The following PRKX variants were observed in gnomAD, a reference collection of about 807,000 sequenced individuals.
PRKX encodes the protein protein kinase cAMP-dependent X-linked catalytic subunit.
A neutral mutation model predicts 22.0 loss-of-function variants in PRKX; 12 were observed. The ratio of observed to expected loss-of-function variants is 0.54; its 90% confidence interval spans 0.35 to 0.88. PRKX has a LOEUF of 0.88. Ranked by LOEUF, PRKX falls within the 40% of genes least tolerant of loss-of-function variation. The pLI is 0.01. For synonymous variants in PRKX, 134 were observed against 137.7 expected (o/e 0.97, Z 0.19); for missense variants, 217 against 308.0 (o/e 0.70, Z 2.21).
chrX:3,613,877 A>T (rs1013205785), intron 7 of PRKX, among the ~76,000 whole-genome samples: 8 of 95,373 alleles, frequency 8.4e-5, no homozygotes, highest in Admixed American at 1.1e-4. Flanking sequence ...AAAAAAAAAA[A>T]AAAGAAGCGT....
intron 1 of PRKX, among the ~76,000 whole-genome samples, chrX:3,704,278 C>T (rs1245432723): frequency 2.7e-5 from 3 of 112,292 alleles, no homozygotes; most frequent in Non-Finnish European, 3.8e-5. Context: ...CATCCACATG[C>T]CCAGGTTTCT....
rs368718760 is a variant in PRKX at position 3,630,357 on chromosome X, G to A, written c.720-3843C>T. 2.2e-3 allele frequency among the ~76,000 whole-genome samples: 246 copies of A among 111,289 alleles called. 2 individuals are homozygous for A. The highest frequency in any genetic ancestry group is 7.5e-3 in the African/African-American group (231 of 30,735). ...GGCGGATCACGAGGTCAAGGAGATC[G>A]AGACCATCCTGGCTAACACAGTGAA... is the stretch of plus-strand genomic sequence containing the variant. On this transcript the variant is annotated intron_variant, in intron 4 of 8. Coordinates refer to ENST00000262848, the MANE Select transcript of PRKX (RefSeq NM_005044.5).
intron 1 of PRKX, among the ~76,000 whole-genome samples, chrX:3,676,199 C>A (rs1237137846): frequency 8.0e-5 from 9 of 111,879 alleles, no homozygotes; most frequent in Admixed American, 2.9e-4. Flanking sequence ...AAACTGCCCT[C>A]CCGTATTATG....
At chrX:3,711,983 C>T (rs1319007957) in intron 1 of PRKX, among the ~76,000 whole-genome samples, 6 of 111,812 alleles carry the variant, frequency 5.4e-5, no homozygotes, top group African/African-American at 9.7e-5. Flanking sequence ...CCTCGTGGGC[C>T]CTTCCTCAAG....
intron 1 of PRKX, among the ~76,000 whole-genome samples, chrX:3,684,921 A>C (rs1486412175): frequency 8.9e-6 from 1 of 111,984 alleles, no homozygotes; most frequent in Non-Finnish European, 1.9e-5. Flanking sequence ...GGTTCAAGCG[A>C]TCCTCCGGCC....
intron 1 of PRKX, among the ~76,000 whole-genome samples, chrX:3,712,506 G>A (rs1203794410): frequency 1.8e-5 from 2 of 112,286 alleles, no homozygotes; most frequent in Admixed American, 9.4e-5. Flanking sequence ...GGCACAAGAC[G>A]AAGAGCACAG....
At chrX:3,611,014 C>T in intron 8 of PRKX, 1 of 111,915 alleles carries the variant, frequency 8.9e-6, no homozygotes, top group East Asian at 2.8e-4. Flanking sequence ...AAGTTACACG[C>T]TCTCATGTTA....
At chrX:3,630,477 G>A (rs1309465402) in intron 4 of PRKX, among the ~76,000 whole-genome samples, 3 of 111,609 alleles carry the variant, frequency 2.7e-5, no homozygotes, top group Middle Eastern at 4.6e-3. Context: ...GCGGAATGGC[G>A]TGAACCCGGG....
rs144090256 is a variant in PRKX, at chrX:3,616,616, A to G, written c.874-724T>C. Among the ~76,000 whole-genome samples, 864 of 112,284 alleles carry G rather than the reference A, an allele frequency of 7.7e-3. 8 individuals carry two copies. Among genetic ancestry groups the G allele is most frequent in the African/African-American group, 0.027 (830 of 30,970 alleles). On this transcript the variant is annotated intron_variant, in intron 6 of 8. Transcript: ENST00000262848. ...GGTTCCATGAAACAGAAGCCAGTACATCTGAATTTAACGCGTCTATCAGTT... is the reference window on the plus strand; with the variant it reads ...GGTTCCATGAAACAGAAGCCAGTACGTCTGAATTTAACGCGTCTATCAGTT...
intron 4 of PRKX, among the ~76,000 whole-genome samples, chrX:3,640,788 C>T (rs376016601): frequency 1.4e-3 from 158 of 111,814 alleles, no homozygotes; most frequent in African/African-American, 5.0e-3. Flanking sequence ...TCACAAAGAC[C>T]CTGCTGATAA....
chrX:3,683,879 A>T (rs1448119750), intron 1 of PRKX, among the ~76,000 whole-genome samples: 1 of 110,488 alleles, frequency 9.1e-6, no homozygotes, highest in African/African-American at 3.3e-5. Flanking sequence ...TAGGAAACTA[A>T]TGGCTGATAT....
intron 3 of PRKX, among the ~76,000 whole-genome samples, chrX:3,651,698 C>T (rs1182975101): frequency 9.0e-6 from 1 of 111,375 alleles, no homozygotes; most frequent in South Asian, 3.7e-4. Context: ...AAAATGCAGA[C>T]GGTTTTACAA....
intron 1 of PRKX, among the ~76,000 whole-genome samples, chrX:3,691,841 G>T (rs1335357644): frequency 5.4e-5 from 5 of 93,107 alleles, no homozygotes; most frequent in Non-Finnish European, 1.1e-4. Flanking sequence ...TAGATGGATA[G>T]ATAGAAAGAT....
At chrX:3,697,046 GACAA>G (rs72413513) in intron 1 of PRKX, among the ~76,000 whole-genome samples, 44,112 of 106,433 alleles carry the variant, frequency 0.41, 7,650 homozygotes, top group African/African-American at 0.59. Context: ...CAAACAAACA[GACAA>G]ACAAACAAAA....
At position 3,654,638 on chromosome X, in the gene PRKX, C is replaced by T. The variant is rs1436778337; in HGVS notation, c.599+511G>A. On this transcript the variant is annotated intron_variant, in intron 3 of 8. Coordinates refer to ENST00000262848, the MANE Select transcript of PRKX (RefSeq NM_005044.5). Reference sequence around the variant, plus strand: ...TACAGGGATCCACCACCATAATCAACTTTTTTTTAAATATATATATTTCTG... The same window carrying T: ...TACAGGGATCCACCACCATAATCAATTTTTTTTTAAATATATATATTTCTG... Among the ~76,000 whole-genome samples the T allele has an allele frequency of 9.4e-5, 10 of 106,599 alleles. No homozygotes were observed. In the East Asian group the frequency reaches 2.9e-3, roughly 31 times the overall value. The allele number at this position is 106,599 out of a possible 115,157, so 92.6% of individuals were successfully genotyped here. A position where few individuals can be genotyped will look rare whatever the true frequency, so the allele number is the denominator to read the frequency against.
intron 2 of PRKX, among the ~76,000 whole-genome samples, chrX:3,660,774 A>G (rs1287957394): frequency 3.6e-5 from 4 of 111,492 alleles, no homozygotes; most frequent in Admixed American, 1.9e-4. Flanking sequence ...CAATACAAAC[A>G]TCTCAGGTTC....
chrX:3,635,262 C>T (rs1326007839), intron 4 of PRKX, among the ~76,000 whole-genome samples: 4 of 111,541 alleles, frequency 3.6e-5, no homozygotes, highest in East Asian at 5.6e-4. Context: ...AGAACCACTG[C>T]GCAATGCCTA....
intron 1 of PRKX, among the ~76,000 whole-genome samples, chrX:3,687,211 T>G (rs1205892542): frequency 1.3e-4 from 14 of 110,037 alleles, no homozygotes; most frequent in Admixed American, 2.0e-4. Flanking sequence ...TCTCACTTTT[T>G]CACCCAGGCT....
intron 8 of PRKX, among the ~76,000 whole-genome samples, chrX:3,610,178 C>A (rs191036116): frequency 4.5e-5 from 5 of 111,845 alleles, no homozygotes; most frequent in African/African-American, 1.6e-4. Context: ...ATTACTAAGA[C>A]GGATTAAAAT....
Sources: allele counts gnomAD v4.1 joint callset (sites outside exome capture counted in the v4.1 genomes callset), GRCh38; gene constraint gnomAD v4.1.1; transcripts MANE v1.5; gene names NCBI Gene and HGNC (gene_info 2026-07-23, HGNC 2026-07-21).